Variants in MB21D2 observed in about 807,000 individuals in gnomAD.
The protein encoded by MB21D2 is nucleotidyltransferase MB21D2.
Under a neutral mutation model 33.3 loss-of-function variants are expected in MB21D2, and 9 were observed. The observed-to-expected ratio is 0.27, with a 90% confidence interval of 0.16 to 0.47. The LOEUF (loss-of-function observed/expected upper bound fraction) is 0.47, where lower values mean the gene tolerates loss of function less well. Among genes scored for constraint, MB21D2 ranks in the 20% least tolerant of loss-of-function variants. The pLI is 0.99. For missense variants in MB21D2, 540 were observed against 624.6 expected, an observed-to-expected ratio of 0.86 and a Z score of 1.44; for synonymous variants, 241 against 236.3, an observed-to-expected ratio of 1.02 and a Z score of -0.18.
At chr3:192,898,485 G>T (rs555444724) in intron 1 of MB21D2, among the ~76,000 whole-genome samples, 2 of 152,160 alleles carry the variant, frequency 1.3e-5, no homozygotes, top group Non-Finnish European at 2.9e-5. Context: ...GACTAGGAAG[G>T]AAAGATAAGT....
At chr3:192,844,838 C>A (rs903983779) in intron 1 of MB21D2, among the ~76,000 whole-genome samples, 2 of 152,196 alleles carry the variant, frequency 1.3e-5, no homozygotes, top group Non-Finnish European at 2.9e-5. Flanking sequence ...AAAAGAGAAA[C>A]CTGAATAAGC....
chr3:192,884,397 T>G (rs369384184), intron 1 of MB21D2, among the ~76,000 whole-genome samples: 17 of 151,818 alleles, frequency 1.1e-4, no homozygotes, highest in Admixed American at 1.3e-4. Flanking sequence ...GACGGAGTCT[T>G]GCTCTGTCAC....
intron 1 of MB21D2, among the ~76,000 whole-genome samples, chr3:192,871,846 G>A (rs1476413268): frequency 6.6e-6 from 1 of 152,074 alleles, no homozygotes; most frequent in Non-Finnish European, 1.5e-5. Flanking sequence ...GCAGCAAGGG[G>A]GGTGAGGGGA....
chr3:192,916,100 A>T (rs12497258), intron 1 of MB21D2, among the ~76,000 whole-genome samples: 6 of 141,860 alleles, frequency 4.2e-5, no homozygotes, highest in South Asian at 2.1e-4. Context: ...ACCAGGTTTT[A>T]TATATATATA....
intron 1 of MB21D2, among the ~76,000 whole-genome samples, chr3:192,850,644 G>A (rs1400324867): frequency 6.6e-6 from 1 of 152,114 alleles, no homozygotes; most frequent in African/African-American, 2.4e-5. Context: ...AGCCCTGCAC[G>A]CTGCCGAATC....
chr3:192,887,178 G>A (rs188768040), intron 1 of MB21D2, among the ~76,000 whole-genome samples: 44 of 152,124 alleles, frequency 2.9e-4, no homozygotes, highest in African/African-American at 1.1e-3. Flanking sequence ...ACAAAGTCTC[G>A]TTCTGTTTCC....
intron 1 of MB21D2, among the ~76,000 whole-genome samples, chr3:192,884,868 C>T (rs1713698575): frequency 6.6e-6 from 1 of 152,098 alleles, no homozygotes; most frequent in Non-Finnish European, 1.5e-5. Flanking sequence ...ATCCATGAAT[C>T]ACTCAGGAAA....
At chr3:192,809,032 G>A (rs1220779509) in intron 1 of MB21D2, among the ~76,000 whole-genome samples, 1 of 152,044 alleles carries the variant, frequency 6.6e-6, no homozygotes, top group Non-Finnish European at 1.5e-5. Context: ...CTACGGCACA[G>A]GCCAAATGCT....
chr3:192,868,968 G>A (rs1472217075), intron 1 of MB21D2, among the ~76,000 whole-genome samples: 1 of 152,158 alleles, frequency 6.6e-6, no homozygotes, highest in Non-Finnish European at 1.5e-5. Flanking sequence ...TAATTAGGTA[G>A]GCCACAGACT....
chr3:192,916,522 G>A (rs763280092), intron 1 of MB21D2, among the ~76,000 whole-genome samples: 9 of 152,144 alleles, frequency 5.9e-5, no homozygotes, highest in Non-Finnish European at 1.0e-4. Context: ...ACCCAGAGAC[G>A]AGCGTTAGAG....
intron 1 of MB21D2, among the ~76,000 whole-genome samples, chr3:192,860,048 G>C (rs1219492216): frequency 6.6e-6 from 1 of 152,232 alleles, no homozygotes; most frequent in African/African-American, 2.4e-5. Flanking sequence ...GACCACCCTG[G>C]TGTCCCCAAA....
Position 192,822,122 on chromosome 3 carries a change from G to A in MB21D2, c.212-22472C>T, listed in dbSNP as rs548744103. On this transcript the variant is annotated intron_variant, in intron 1 of 1. Coordinates refer to ENST00000392452, the MANE Select transcript of MB21D2 (RefSeq NM_178496.4). Reference sequence around the variant, plus strand: ...AAATGTGAGGGAGCTATTATTCACAGCAAGTCCCTGAGAAGCTAATTAAAT... The same window carrying A: ...AAATGTGAGGGAGCTATTATTCACAACAAGTCCCTGAGAAGCTAATTAAAT... Among the ~76,000 whole-genome samples, 4 of 150,066 alleles carry A rather than the reference G, an allele frequency of 2.7e-5. No individual in the cohort carries two copies. In the South Asian group the frequency reaches 6.3e-4, roughly 24 times the overall value.
intron 1 of MB21D2, among the ~76,000 whole-genome samples, chr3:192,832,335 A>G (rs1712332033): frequency 6.6e-6 from 1 of 152,240 alleles, no homozygotes; most frequent in African/African-American, 2.4e-5. Context: ...TCCTCCCCAT[A>G]TAAAAATGCT....
intron 1 of MB21D2, among the ~76,000 whole-genome samples, chr3:192,825,207 T>C (rs1352203677): frequency 2.0e-5 from 3 of 152,198 alleles, no homozygotes; most frequent in African/African-American, 4.8e-5. Flanking sequence ...GGTGGTGCTA[T>C]CATGGCTCAC....
At chr3:192,878,599 G>A (rs541481895) in intron 1 of MB21D2, among the ~76,000 whole-genome samples, 1 of 152,266 alleles carries the variant, frequency 6.6e-6, no homozygotes, top group East Asian at 1.9e-4. Flanking sequence ...GCTAAGTCTT[G>A]CGGACCTGAC....
chr3:192,908,559 G>A (rs11719444), intron 1 of MB21D2, among the ~76,000 whole-genome samples: 59,208 of 151,200 alleles, frequency 0.39, 13,865 homozygotes, highest in Non-Finnish European at 0.52. Context: ...GATGACAGAC[G>A]CCCACCACCA....
chr3:192,905,649 AAAAAAG>A (rs1560257060), intron 1 of MB21D2, among the ~76,000 whole-genome samples: 1 of 149,492 alleles, frequency 6.7e-6, no homozygotes, highest in Admixed American at 6.7e-5. Context: ...AAAAAAAAAA[AAAAAAG>A]AAAAAGAAAA....
chr3:192,902,796 G>A (rs1302570813), intron 1 of MB21D2, among the ~76,000 whole-genome samples: 3 of 152,284 alleles, frequency 2.0e-5, no homozygotes, highest in African/African-American at 4.8e-5. Flanking sequence ...CCCATGCAGC[G>A]GCAACTCCTC....
intron 1 of MB21D2, among the ~76,000 whole-genome samples, chr3:192,866,196 T>C (rs1028571839): frequency 2.0e-5 from 3 of 152,200 alleles, no homozygotes; most frequent in African/African-American, 7.2e-5. Context: ...TAATTGTTCA[T>C]CTCTAAGGCT....
Sources: allele counts gnomAD v4.1 joint callset (sites outside exome capture counted in the v4.1 genomes callset), GRCh38; gene constraint gnomAD v4.1.1; transcripts MANE v1.5; gene names NCBI Gene and HGNC (gene_info 2026-07-23, HGNC 2026-07-21).